NKAIN2: variants seen among roughly 807,000 people sequenced by gnomAD.
NKAIN2 encodes sodium/potassium transporting ATPase interacting 2, also known as sodium/potassium-transporting ATPase subunit beta-1-interacting protein 2.
NKAIN2 carries 14 observed loss-of-function variants against 32.6 expected under a neutral mutation model. The observed-to-expected ratio is 0.43, with a 90% CI of 0.28 to 0.67. The LOEUF (loss-of-function observed/expected upper bound fraction) is 0.67. Ranked by LOEUF, NKAIN2 falls within the 30% of genes least tolerant of loss-of-function variation. NKAIN2 has a pLI of 0.17. For missense variants in NKAIN2, 198 were observed against 258.3 expected (o/e 0.77, Z 1.60); for synonymous variants, 80 against 87.2 (o/e 0.92, Z 0.46).
At chr6:124,423,751 T>C (rs1176884336) in intron 3 of NKAIN2, among the ~76,000 whole-genome samples, 1 of 152,164 alleles carries the variant, frequency 6.6e-6, no homozygotes, top group Non-Finnish European at 1.5e-5. Flanking sequence ...TTTCAGGGGA[T>C]GAAGCAACAG....
intron 3 of NKAIN2, among the ~76,000 whole-genome samples, chr6:124,609,653 C>G (rs567462315): frequency 4.9e-4 from 75 of 152,190 alleles, no homozygotes; most frequent in Admixed American, 2.7e-3. Flanking sequence ...AGCTTGCCCC[C>G]CTCCGGAAGC....
intron 2 of NKAIN2, among the ~76,000 whole-genome samples, chr6:124,336,081 C>G (rs571629428): frequency 6.6e-6 from 1 of 152,264 alleles, no homozygotes; most frequent in African/African-American, 2.4e-5. Flanking sequence ...CAATAATTCA[C>G]TTTTACATAT....
chr6:124,275,277 G>C (rs1329228728), intron 1 of NKAIN2, among the ~76,000 whole-genome samples: 1 of 151,958 alleles, frequency 6.6e-6, no homozygotes, highest in African/African-American at 2.4e-5. Flanking sequence ...GACTTCTATG[G>C]GGGCTTTTAC....
At chr6:124,101,890 A>G (rs1784907714) in intron 1 of NKAIN2, among the ~76,000 whole-genome samples, 1 of 152,192 alleles carries the variant, frequency 6.6e-6, no homozygotes, top group Admixed American at 6.5e-5. Flanking sequence ...GAGCCTAGAT[A>G]TAACCAGCAG....
At chr6:124,163,526 G>A (rs1253220327) in intron 1 of NKAIN2, among the ~76,000 whole-genome samples, 2 of 59,964 alleles carry the variant, frequency 3.3e-5, no homozygotes, top group Non-Finnish European at 1.3e-4. Flanking sequence ...AAACAGCAAA[G>A]TATCCCATCA....
chr6:124,778,477 T>G (rs1562378254), intron 4 of NKAIN2, among the ~76,000 whole-genome samples: 1 of 152,048 alleles, frequency 6.6e-6, no homozygotes. Flanking sequence ...TCATCAATGT[T>G]GTATTCTCCT....
At chr6:124,291,670 C>T (rs1795821813) in intron 2 of NKAIN2, among the ~76,000 whole-genome samples, 1 of 152,246 alleles carries the variant, frequency 6.6e-6, no homozygotes. Context: ...CAGCCTATCA[C>T]TTATTCTTCT....
chr6:124,028,805 A>G (rs1302938552), intron 1 of NKAIN2, among the ~76,000 whole-genome samples: 2 of 147,554 alleles, frequency 1.4e-5, no homozygotes, highest in African/African-American at 2.5e-5. Context: ...GTATATACGT[A>G]TATATACGTA....
chr6:123,999,209 A>G (rs981124445), intron 1 of NKAIN2, among the ~76,000 whole-genome samples: 2 of 152,138 alleles, frequency 1.3e-5, no homozygotes, highest in Non-Finnish European at 2.9e-5. Context: ...ATGGAAAATA[A>G]GCAATCAAGG....
chr6:124,823,535 G>A lies in NKAIN2; in HGVS notation c.*306G>A. The A allele has an allele frequency of 2.8e-6, 1 of 358,764 alleles. No individual in the cohort carries two copies. The highest frequency in any genetic ancestry group is 5.1e-6 in the Non-Finnish European group (1 of 194,678). 22.2% of individuals were successfully genotyped at this position (358,764 alleles called of 1,614,324 possible). A position where few individuals can be genotyped will look rare whatever the true frequency, so the allele number is the denominator to read the frequency against. On this transcript the variant is annotated 3_prime_UTR_variant, in exon 7 of 7. Transcript: ENST00000368417. ...GCCTTCGGAAAGTTCAGAAGGAGATGTGTTGATGCCCAACGGTTGCCGGCC... is the reference window on the plus strand; with the variant it reads ...GCCTTCGGAAAGTTCAGAAGGAGATATGTTGATGCCCAACGGTTGCCGGCC...
chr6:124,199,618 T>G (rs933245555), intron 1 of NKAIN2, among the ~76,000 whole-genome samples: 1 of 152,282 alleles, frequency 6.6e-6, no homozygotes, highest in Admixed American at 6.5e-5. Flanking sequence ...GGAGAAAATA[T>G]GAATATGCAT....
chr6:124,168,776 T>C (rs768360376), intron 1 of NKAIN2, among the ~76,000 whole-genome samples: 1 of 152,124 alleles, frequency 6.6e-6, no homozygotes, highest in Non-Finnish European at 1.5e-5. Flanking sequence ...TTATTAAGTA[T>C]ATTAAGAACA....
intron 1 of NKAIN2, among the ~76,000 whole-genome samples, chr6:124,140,928 T>A (rs929793533): frequency 1.3e-5 from 2 of 152,196 alleles, no homozygotes; most frequent in Non-Finnish European, 2.9e-5. Context: ...TAGCTGATAA[T>A]ATTTTTACTA....
At chr6:123,821,978 CTT>C (rs3069536) in intron 1 of NKAIN2, among the ~76,000 whole-genome samples, 30,051 of 151,958 alleles carry the variant, frequency 0.2, 4,451 homozygotes, top group East Asian at 0.56. Context: ...ATATTGATGA[CTT>C]TTCCCTTTAG....
chr6:124,811,065 T>C (rs907447083), intron 5 of NKAIN2, among the ~76,000 whole-genome samples: 1 of 152,120 alleles, frequency 6.6e-6, no homozygotes, highest in African/African-American at 2.4e-5. Context: ...TATGGTTGGG[T>C]ATGTTTTACG....
chr6:124,227,986 CCT>C (rs1255765133), intron 1 of NKAIN2, among the ~76,000 whole-genome samples: 3 of 152,068 alleles, frequency 2.0e-5, no homozygotes, highest in Non-Finnish European at 1.5e-5. Context: ...TGGTGAAGAC[CCT>C]CTTCCTGGCT....
At chr6:124,193,036 A>G (rs1476983413) in intron 1 of NKAIN2, among the ~76,000 whole-genome samples, 2 of 152,142 alleles carry the variant, frequency 1.3e-5, no homozygotes, top group Admixed American at 6.5e-5. Flanking sequence ...GGCGTGAGCT[A>G]CCGCGCCCAG....
chr6:124,700,871 G>GACACAC (rs143125409), intron 4 of NKAIN2, among the ~76,000 whole-genome samples: 2,962 of 145,418 alleles, frequency 0.02, 42 homozygotes, highest in African/African-American at 0.038. Flanking sequence ...TCTCTTTCCT[G>GACACAC]ACACACACAC....
chr6:123,894,848 C>G (rs1441373291), intron 1 of NKAIN2, among the ~76,000 whole-genome samples: 1 of 152,072 alleles, frequency 6.6e-6, no homozygotes, highest in Non-Finnish European at 1.5e-5. Context: ...GCTCAGCACA[C>G]TACACAAGGG....
Sources: gnomAD v4.1 joint callset for allele counts (sites outside exome capture counted in the v4.1 genomes callset) on GRCh38, gnomAD v4.1.1 for gene constraint, MANE v1.5 for transcripts, NCBI Gene and HGNC (gene_info 2026-07-23, HGNC 2026-07-21) for gene names.